Variants in ZNF827 observed in about 807,000 individuals in gnomAD.
ZNF827 encodes zinc finger protein 827.
ZNF827 carries 13 observed loss-of-function variants against 102.4 expected under a neutral mutation model. The ratio of observed to expected loss-of-function variants is 0.13; its 90% confidence interval spans 0.08 to 0.20. The LOEUF (loss-of-function observed/expected upper bound fraction) is 0.20. ZNF827 is among the 10% of genes least tolerant of loss of function. The pLI, the probability that ZNF827 is intolerant of heterozygous loss-of-function variation, is 1.00. For synonymous variants in ZNF827, 523 were observed against 536.2 expected, an observed-to-expected ratio of 0.98 and a Z score of 0.34; for missense variants, 1,103 against 1,344.4, an observed-to-expected ratio of 0.82 and a Z score of 2.81.
At chr4:145,796,272 AAAAC>A (rs1362174243) in intron 8 of ZNF827, among the ~76,000 whole-genome samples, 2 of 152,220 alleles carry the variant, frequency 1.3e-5, no homozygotes, top group Non-Finnish European at 2.9e-5. Flanking sequence ...AATTGTTCCT[AAAAC>A]AAACACACGC....
chr4:145,867,533 A>G (rs1748313543), intron 5 of ZNF827, among the ~76,000 whole-genome samples: 1 of 152,248 alleles, frequency 6.6e-6, no homozygotes, highest in African/African-American at 2.4e-5. Flanking sequence ...GAAGACTGAA[A>G]GGGTCTAAAC....
chr4:145,910,938 T>C (rs1300195392), intron 1 of ZNF827, among the ~76,000 whole-genome samples: 1 of 152,214 alleles, frequency 6.6e-6, no homozygotes, highest in Non-Finnish European at 1.5e-5. Flanking sequence ...TTTATTTTGG[T>C]TGCTGCTGCA....
rs138625614 is a variant in ZNF827 at position 145,902,413 on chromosome 4, A to G, written c.846T>C (p.Ala282=). The part of the protein sequence containing the change: ...PPPASSFLSL[A]SMTSSAALLK... ...GAAGGGCCGCTGAGGAGGTCATAGA[A>G]GCCAGGGAAAGGAAGGAGCTGGCCG... The change falls in exon 2 of 15, where the codon GCT becomes GCC. Residue 282 remains alanine, a synonymous_variant. Coordinates refer to ENST00000508784, the MANE Select transcript of ZNF827 (RefSeq NM_001306215.2). The surrounding 1 kb of genome is among the most constrained non-coding windows in gnomAD (Gnocchi z 4.3). 229 of 1,614,204 alleles carry G rather than the reference A, an allele frequency of 1.4e-4. 1 individual carries two copies. In the East Asian group the frequency reaches 3.7e-3, roughly 26 times the overall value.
intron 7 of ZNF827, among the ~76,000 whole-genome samples, chr4:145,842,263 A>G (rs1745492743): frequency 1.3e-5 from 2 of 152,198 alleles, no homozygotes; most frequent in South Asian, 2.1e-4. Context: ...TACCTTTCGT[A>G]TAACAGAGGT....
chr4:145,817,824 T>C (rs1455308623), intron 8 of ZNF827, among the ~76,000 whole-genome samples: 2 of 152,212 alleles, frequency 1.3e-5, no homozygotes, highest in Admixed American at 6.5e-5. Context: ...GAAATGTTTC[T>C]TCTATGCTGC....
At chr4:145,795,908 A>G (rs1740334481) in intron 8 of ZNF827, among the ~76,000 whole-genome samples, 1 of 152,246 alleles carries the variant, frequency 6.6e-6, no homozygotes, top group South Asian at 2.1e-4. Context: ...GATAAATCAT[A>G]TAAAATATGC....
intron 1 of ZNF827, among the ~76,000 whole-genome samples, chr4:145,906,621 C>G (rs953106990): frequency 6.6e-6 from 1 of 152,206 alleles, no homozygotes; most frequent in African/African-American, 2.4e-5. Context: ...ACTGTCAATT[C>G]AGGTTCTAAT....
At chr4:145,923,596 C>A (rs1176116124) in intron 1 of ZNF827, among the ~76,000 whole-genome samples, 1 of 151,982 alleles carries the variant, frequency 6.6e-6, no homozygotes, top group African/African-American at 2.4e-5. Context: ...GAGGGAGACT[C>A]CATCTCAAAA....
chr4:145,909,339 C>T (rs1752100911), intron 1 of ZNF827, among the ~76,000 whole-genome samples: 1 of 152,176 alleles, frequency 6.6e-6, no homozygotes, highest in Non-Finnish European at 1.5e-5. Context: ...TTTCTCAGTT[C>T]CTGTACCAAA....
chr4:145,859,004 G>A (rs919098987), intron 5 of ZNF827, among the ~76,000 whole-genome samples: 1 of 152,086 alleles, frequency 6.6e-6, no homozygotes. Context: ...TACAAATATT[G>A]CTAATATAAA....
chr4:145,871,241 C>CTAAGAACTAAGAA (rs1294299066), intron 4 of ZNF827, among the ~76,000 whole-genome samples: 18 of 152,170 alleles, frequency 1.2e-4, no homozygotes, highest in Admixed American at 9.2e-4. Flanking sequence ...AACCATGGTA[C>CTAAGAACTAAGAA]ATTTGTCAGA....
chr4:145,906,515 C>G (rs529916912), intron 1 of ZNF827, among the ~76,000 whole-genome samples: 1 of 152,164 alleles, frequency 6.6e-6, no homozygotes, highest in Admixed American at 6.5e-5. Flanking sequence ...AATTTCCTAA[C>G]CCCCTCCACA....
chr4:145,823,782 T>C (rs1743396320), intron 7 of ZNF827, among the ~76,000 whole-genome samples: 1 of 152,206 alleles, frequency 6.6e-6, no homozygotes. Flanking sequence ...TGAAACACTG[T>C]TAAACCCGTA....
At chr4:145,820,913 T>C (rs1241024535) in intron 8 of ZNF827, among the ~76,000 whole-genome samples, 2 of 152,244 alleles carry the variant, frequency 1.3e-5, no homozygotes, top group Non-Finnish European at 2.9e-5. Flanking sequence ...TCCAGAACTT[T>C]AAGATCCTCA....
At chr4:145,779,795 T>G (rs1187925555) in intron 8 of ZNF827, among the ~76,000 whole-genome samples, 3 of 152,266 alleles carry the variant, frequency 2.0e-5, no homozygotes, top group Non-Finnish European at 4.4e-5. Flanking sequence ...GATAGCACTG[T>G]GCCCAGTATA....
chr4:145,918,090 T>TA (rs942231049), intron 1 of ZNF827, among the ~76,000 whole-genome samples: 24 of 152,164 alleles, frequency 1.6e-4, no homozygotes, highest in African/African-American at 5.5e-4. Context: ...CTTTTAATAG[T>TA]AAAAACATCA....
chr4:145,838,560 A>G (rs892828192), intron 7 of ZNF827, among the ~76,000 whole-genome samples: 2 of 152,178 alleles, frequency 1.3e-5, no homozygotes, highest in Non-Finnish European at 2.9e-5. Flanking sequence ...GGGACCCTTG[A>G]TATTCAATAA....
chr4:145,888,462 C>T (rs1012777878), intron 3 of ZNF827, among the ~76,000 whole-genome samples: 2 of 152,198 alleles, frequency 1.3e-5, no homozygotes, highest in South Asian at 4.1e-4. Context: ...ACAAACAACC[C>T]ATATCAGGTG....
rs537162981 is a variant in ZNF827, at chr4:145,850,708, A to G, written c.1982-1147T>C. ...AAAATAAGGCCACACTTTCAAATTA[A>G]TAATAATAATTAGGAACTACTGTGT... is the stretch of plus-strand genomic sequence containing the variant. On this transcript the variant is annotated intron_variant, in intron 5 of 14. Coordinates refer to ENST00000508784, the MANE Select transcript of ZNF827 (RefSeq NM_001306215.2). Among the ~76,000 whole-genome samples the G allele has an allele frequency of 1.8e-4, 27 of 152,316 alleles. No individual in the cohort carries two copies. In the East Asian group the frequency reaches 4.8e-3, roughly 27 times the overall value.
Sources: allele counts gnomAD v4.1 joint callset (sites outside exome capture counted in the v4.1 genomes callset), GRCh38; gene constraint gnomAD v4.1.1; non-coding constraint Gnocchi (gnomAD v3.1); transcripts MANE v1.5; gene names NCBI Gene and HGNC (gene_info 2026-07-23, HGNC 2026-07-21).